Variants in BMP10 observed in about 807,000 individuals in gnomAD.
BMP10 encodes bone morphogenetic protein 10.
Under a neutral mutation model 29.9 loss-of-function variants are expected in BMP10, and 9 were observed. The observed-to-expected ratio is 0.30, with a 90% CI of 0.18 to 0.53. The LOEUF (loss-of-function observed/expected upper bound fraction) is 0.53, where lower values mean the gene tolerates loss of function less well. Ranked by LOEUF, BMP10 falls within the 20% of genes least tolerant of loss-of-function variation. The pLI, the probability that BMP10 is intolerant of heterozygous loss-of-function variation, is 0.96. For missense variants in BMP10, 474 were observed against 524.3 expected (o/e 0.90, Z 0.94); for synonymous variants, 202 against 200.2 (o/e 1.01, Z -0.07).
rs77034463 is a variant in BMP10 at position 68,865,028 on chromosome 2, A to T, written c.*603T>A. ...CCTGTTGTACCTCTAAGACCTCTTA[A>T]GTCCATTTGGTTTCTGTATCAATTA... is the stretch of plus-strand genomic sequence containing the variant. On this transcript the variant is annotated 3_prime_UTR_variant, in exon 2 of 2. Coordinates refer to ENST00000295379, the MANE Select transcript of BMP10 (RefSeq NM_014482.3). This position sits in a 1 kb window ranked among gnomAD's most constrained non-coding sequence, Gnocchi z 4.7. Among the ~76,000 whole-genome samples, 3 of 152,196 alleles carry T rather than the reference A, an allele frequency of 2.0e-5. No homozygotes were observed. The highest frequency in any genetic ancestry group is 7.2e-5 in the African/African-American group (3 of 41,448).
rs765982363 is a variant in BMP10 at position 68,862,344 on chromosome 2, G to A, written c.*3287C>T. 3.3e-5 allele frequency among the ~76,000 whole-genome samples: 5 copies of A among 152,112 alleles called. No individual in the cohort carries two copies. The highest frequency in any genetic ancestry group is 7.3e-5 in the Non-Finnish European group (5 of 68,036). On this transcript the variant is annotated 3_prime_UTR_variant, in exon 2 of 2. Coordinates refer to ENST00000295379, the MANE Select transcript of BMP10 (RefSeq NM_014482.3). Reference sequence around the variant, plus strand: ...GCAAAAAGAGAGAGATGGAAATACAGGCCATATATTATATGTGAGCCATAC... The same window carrying A: ...GCAAAAAGAGAGAGATGGAAATACAAGCCATATATTATATGTGAGCCATAC...
rs372547313 is a variant in BMP10, at chr2:68,866,257, T to C, written c.649A>G (p.Thr217Ala). The C allele has an allele frequency of 2.4e-4, 380 of 1,613,926 alleles. 2 individuals are homozygous for C. Among genetic ancestry groups the C allele is most frequent in the Non-Finnish European group, 3.1e-4 (368 of 1,179,988 alleles). ...TCAATGTGGACCTCCAGCTGGTGGG[T>C]GGATGAGCCTGACTTTTGCCAACGT... ...IRRWQKSGSS[T>A]HQLEVHIESK... is the part of the protein sequence containing the mutation. Residue 217 changes from threonine to alanine, a missense_variant, in exon 2 of 2, where the codon ACC (threonine) becomes GCC (alanine). Thr to Ala is a moderately conservative substitution (Grantham distance 58, BLOSUM62 0). Around this residue, in one of 2 missense-constraint regions of BMP10, gnomAD observed 408 missense variants for 415.3 expected, o/e 0.98. Coordinates refer to ENST00000295379, the MANE Select transcript of BMP10 (RefSeq NM_014482.3).
intron 1 of BMP10, among the ~76,000 whole-genome samples, chr2:68,868,086 T>A (rs1682999366): frequency 6.6e-6 from 1 of 152,190 alleles, no homozygotes; most frequent in South Asian, 2.1e-4. Flanking sequence ...GGTCTTAACC[T>A]CCTGATCAGC....
Position 68,871,025 on chromosome 2 carries a change from C to A in BMP10, c.334G>T (p.Asp112Tyr). The change falls in exon 1 of 2, where the codon GAT (aspartate) becomes TAT (tyrosine). Residue 112 changes from aspartate to tyrosine, a missense_variant and splice_region_variant. By Grantham distance (160) the Asp-to-Tyr change is radical. This residue lies in a region of BMP10 where 408 missense variants were observed against 415.3 expected (regional missense o/e 0.98). Coordinates refer to ENST00000295379, the MANE Select transcript of BMP10 (RefSeq NM_014482.3). ...ANIIRSFKNE[D>Y]LFSQPVSFNG... ...CAAAATTTCATCAGCAAAAACTTACCTTCATTCTTGAAACTCCTAATGATG... is the reference window on the plus strand; with the variant it reads ...CAAAATTTCATCAGCAAAAACTTACATTCATTCTTGAAACTCCTAATGATG... The A allele has an allele frequency of 6.2e-7, 1 of 1,604,464 alleles. No individual in the cohort carries two copies. Among genetic ancestry groups the A allele is most frequent in the Non-Finnish European group, 8.5e-7 (1 of 1,172,702 alleles).
At chr2:68,869,098 G>A (rs948347477) in intron 1 of BMP10, among the ~76,000 whole-genome samples, 2 of 152,186 alleles carry the variant, frequency 1.3e-5, no homozygotes, top group Non-Finnish European at 2.9e-5. Flanking sequence ...CATGCCAGGT[G>A]CTTTGCAAGC....
In BMP10 at chr2:68,871,083, A is replaced by C; in HGVS notation, c.276T>G (p.Phe92Leu). ...PEYMLELYNK[F>L]ATDRTSMPSA... ...AGGGCATGGAGGTCCGATCTGTTGC[A>C]AATTTGTTGTAGAGTTCCAACATGT... is the stretch of plus-strand genomic sequence containing the variant. Residue 92 changes from phenylalanine (F) to leucine (L), a missense_variant, in exon 1 of 2, where the codon TTT becomes TTG. Around this residue, in one of 2 missense-constraint regions of BMP10, gnomAD observed 408 missense variants for 415.3 expected, o/e 0.98. Coordinates refer to ENST00000295379, the MANE Select transcript of BMP10 (RefSeq NM_014482.3). 1 of 1,614,138 alleles carries C rather than the reference A, an allele frequency of 6.2e-7. No individual in the cohort carries two copies. The highest frequency in any genetic ancestry group is 8.5e-7 in the Non-Finnish European group (1 of 1,180,014).
In BMP10 at chr2:68,865,991, G is replaced by A. The variant is rs1573684979; in HGVS notation, c.915C>T (p.Asn305=). Residue 305 remains asparagine, a synonymous_variant, in exon 2 of 2, where the codon AAC becomes AAT. Coordinates refer to ENST00000295379, the MANE Select transcript of BMP10 (RefSeq NM_014482.3). This position sits in a 1 kb window ranked among gnomAD's most constrained non-coding sequence, Gnocchi z 4.7. ...GEEALLQMRS[N]IIYDSTARIR... ...TTCGGGCAGTGGAGTCATAGATGAT[G>A]TTTGATCTCATCTGCAACAAAGCCT... 2 of 1,614,062 alleles carry A rather than the reference G, an allele frequency of 1.2e-6. No individual in the cohort carries two copies.
chr2:68,869,372 G>A (rs1683028844), intron 1 of BMP10, among the ~76,000 whole-genome samples: 1 of 152,172 alleles, frequency 6.6e-6, no homozygotes, highest in South Asian at 2.1e-4. Context: ...GTAGCCAACA[G>A]GGCATGTCCT....
At position 68,866,004 on chromosome 2, in the gene BMP10, T is replaced by A; in HGVS notation, c.902A>T (p.Gln301Leu). The stretch of plus-strand genomic sequence containing the variant: ...GTCATAGATGATGTTTGATCTCATC[T>A]GCAACAAAGCCTCTTCCCCAGGTCC... ...SSGPGEEALLQMRSNIIYDST... is the reference protein window; with the variant it reads ...SSGPGEEALLLMRSNIIYDST... Residue 301 changes from glutamine (Q) to leucine (L), a missense_variant, in exon 2 of 2, where the codon CAG becomes CTG. This residue lies in a region of BMP10 where 408 missense variants were observed against 415.3 expected (regional missense o/e 0.98). Transcript: ENST00000295379. The A allele has an allele frequency of 6.2e-7, 1 of 1,614,090 alleles. No individual in the cohort carries two copies. The highest frequency in any genetic ancestry group is 8.5e-7 in the Non-Finnish European group (1 of 1,179,980).
rs994814243 is a variant in BMP10 at position 68,871,128 on chromosome 2, G to A, written c.231C>T (p.Ala77=). 7 of 1,614,058 alleles carry A rather than the reference G, an allele frequency of 4.3e-6. No homozygotes were observed. The African/African-American group carries it at 9.3e-5, about 22-fold the overall frequency. The change falls in exon 1 of 2, where the codon GCC becomes GCT. Residue 77 remains alanine (A), a synonymous_variant. Coordinates refer to ENST00000295379, the MANE Select transcript of BMP10 (RefSeq NM_014482.3). ...ACATGTACTCTGGTGGGTCCACCTT[G>A]GCTGAATCCTGCGTGGGGATGTCAG... is the stretch of plus-strand genomic sequence containing the variant. ...NLSDIPTQDS[A]KVDPPEYMLE...
chr2:68,861,496 T>C lies in BMP10; in HGVS notation c.*4135A>G, dbSNP rs573824172. On this transcript the variant is annotated 3_prime_UTR_variant, in exon 2 of 2. Transcript: ENST00000295379. ...AATGTAGGAAATCAACTGTTCCTGT[T>C]TGGGGGCAAGAAAATGCACAGAGTC... Among the ~76,000 whole-genome samples the C allele has an allele frequency of 3.5e-4, 53 of 152,374 alleles. No homozygotes were observed. The highest frequency in any genetic ancestry group is 1.2e-3 in the African/African-American group (49 of 41,596).
rs529483835 is a variant in BMP10 at position 68,865,594 on chromosome 2, C to T, written c.*37G>A. ...ATTAAATAGGAACACCAAATATACA[C>T]ATTTACAGTTATTAAATAAGCCATA... On this transcript the variant is annotated 3_prime_UTR_variant, in exon 2 of 2. Coordinates refer to ENST00000295379, the MANE Select transcript of BMP10 (RefSeq NM_014482.3). This position sits in a 1 kb window ranked among gnomAD's most constrained non-coding sequence, Gnocchi z 4.7. 5.1e-5 allele frequency: 80 copies of T among 1,561,588 alleles called. No individual in the cohort carries two copies. In the African/African-American group the frequency reaches 9.7e-4, roughly 19 times the overall value.
In BMP10 at chr2:68,871,070, T is replaced by A. The variant is rs200003966; in HGVS notation, c.289A>T (p.Thr97Ser). Residue 97 changes from threonine (T) to serine (S), a missense_variant, in exon 1 of 2, where the codon ACC becomes TCC. Physicochemically the swap from Thr to Ser is moderately conservative, Grantham distance 58. Around this residue, in one of 2 missense-constraint regions of BMP10, gnomAD observed 408 missense variants for 415.3 expected, o/e 0.98. Transcript: ENST00000295379. ...ELYNKFATDR[T>S]SMPSANIIRS... is the part of the protein sequence containing the mutation. ...ATGATGTTGGCAGAGGGCATGGAGGTCCGATCTGTTGCAAATTTGTTGTAG... is the reference window on the plus strand; with the variant it reads ...ATGATGTTGGCAGAGGGCATGGAGGACCGATCTGTTGCAAATTTGTTGTAG... 2.7e-5 allele frequency: 44 copies of A among 1,613,936 alleles called. No homozygotes were observed. Among genetic ancestry groups the A allele is most frequent in the Non-Finnish European group, 3.6e-5 (43 of 1,179,990 alleles).
chr2:68,863,791 T>TA lies in BMP10; in HGVS notation c.*1839dup, dbSNP rs1292844650. 1.3e-5 allele frequency among the ~76,000 whole-genome samples: 2 copies of TA among 152,116 alleles called. No homozygotes were observed. The highest frequency in any genetic ancestry group is 4.8e-5 in the African/African-American group (2 of 41,424). On this transcript the variant is annotated 3_prime_UTR_variant, in exon 2 of 2. Transcript: ENST00000295379. Reference sequence around the variant, plus strand: ...CTAGTGCAGTTTGAGTTTATAACCTTAAGAGATTTGTAAAAGGGGACTGAT... The same window carrying TA: ...CTAGTGCAGTTTGAGTTTATAACCTTAAAGAGATTTGTAAAAGGGGACTGAT...
Position 68,865,682 on chromosome 2 carries a change from G to A in BMP10, c.1224C>T (p.Thr408=). The A allele has an allele frequency of 6.2e-7, 1 of 1,614,106 alleles. No individual in the cohort carries two copies. The highest frequency in any genetic ancestry group is 8.5e-7 in the Non-Finnish European group (1 of 1,179,976). ...CCATGCCTTCGTATTTAAACTTGTA[G>A]GTGACGACGCCTTTGTCTAAATAGA... ...SILYLDKGVV[T]YKFKYEGMAV... is the part of the protein sequence containing the mutation. Residue 408 remains threonine, a synonymous_variant, in exon 2 of 2, where the codon ACC becomes ACT. Transcript: ENST00000295379. The surrounding 1 kb of genome is among the most constrained non-coding windows in gnomAD (Gnocchi z 4.7).
rs1456430474 is a variant in BMP10, at chr2:68,864,226, G to A, written c.*1405C>T. ...AAACAATCATGATTTCAAAATTCAG[G>A]CTTGGCTTTTGAGTCATTTGCTTGT... is the stretch of plus-strand genomic sequence containing the variant. On this transcript the variant is annotated 3_prime_UTR_variant, in exon 2 of 2. Transcript: ENST00000295379. Among the ~76,000 whole-genome samples the A allele has an allele frequency of 6.6e-6, 1 of 152,046 alleles. No homozygotes were observed. Among genetic ancestry groups the A allele is most frequent in the African/African-American group, 2.4e-5 (1 of 41,404 alleles).
intron 1 of BMP10, among the ~76,000 whole-genome samples, chr2:68,868,900 T>C (rs1304967794): frequency 6.6e-6 from 1 of 152,262 alleles, no homozygotes; most frequent in Admixed American, 6.5e-5. Context: ...ACTTTAAATA[T>C]GTGCGATTAT....
intron 1 of BMP10, among the ~76,000 whole-genome samples, chr2:68,867,174 G>T (rs924361446): frequency 6.6e-5 from 10 of 152,188 alleles, no homozygotes. Flanking sequence ...CTCATCCATT[G>T]TTTTTGTATT....
rs1683059942 is a variant in BMP10 at position 68,871,201 on chromosome 2, G to T, written c.158C>A (p.Thr53Lys). 2.5e-6 allele frequency: 4 copies of T among 1,614,036 alleles called. No individual in the cohort carries two copies. In the African/African-American group the frequency reaches 5.3e-5, roughly 22 times the overall value. ...FSEQDGVDFN[T>K]LLQSMKDEFL... ...CTCATCCTTCATGCTCTGGAGCAGT[G>T]TGTTAAAGTCGACACCGTCTTGCTC... The change falls in exon 1 of 2, where the codon ACA becomes AAA. Residue 53 changes from threonine to lysine, a missense_variant. By Grantham distance (78) the Thr-to-Lys change is moderately conservative. Transcript: ENST00000295379.
Sources: gnomAD v4.1 joint callset for allele counts (sites outside exome capture counted in the v4.1 genomes callset) on GRCh38, gnomAD v4.1.1 for gene constraint, gnomAD v4.1.1 regional missense constraint, Gnocchi (gnomAD v3.1) non-coding constraint, MANE v1.5 for transcripts, NCBI Gene and HGNC (gene_info 2026-07-23, HGNC 2026-07-21) for gene names.